The following PBX1 variants were observed in gnomAD, a reference collection of about 807,000 sequenced individuals.
PBX1 encodes pre-B-cell leukemia transcription factor 1.
Under a neutral mutation model 53.4 loss-of-function variants are expected in PBX1, and 6 were observed. The observed-to-expected ratio is 0.11, with a 90% CI of 0.06 to 0.22. The LOEUF is 0.22. Ranked by LOEUF, PBX1 falls within the 10% of genes least tolerant of loss-of-function variation. The pLI is 1.00. For missense variants in PBX1, 251 were observed against 551.4 expected, an observed-to-expected ratio of 0.46 and a Z score of 5.46; for synonymous variants, 204 against 212.3, an observed-to-expected ratio of 0.96 and a Z score of 0.34.
intron 2 of PBX1, among the ~76,000 whole-genome samples, chr1:164,767,657 GAAAAA>G (rs796425003): frequency 4.1e-4 from 55 of 135,338 alleles, no homozygotes; most frequent in Middle Eastern, 3.9e-3. Context: ...ATCAAAAAAA[GAAAAA>G]AAAAAAAGGC....
At chr1:164,788,939 A>G (rs1558008527) in intron 2 of PBX1, among the ~76,000 whole-genome samples, 1 of 152,088 alleles carries the variant, frequency 6.6e-6, no homozygotes, top group South Asian at 2.1e-4. Context: ...AGTGAATTCA[A>G]ATTTCTTTTT....
intron 2 of PBX1, among the ~76,000 whole-genome samples, chr1:164,618,697 A>C (rs1045750233): frequency 6.6e-6 from 1 of 152,194 alleles, no homozygotes; most frequent in African/African-American, 2.4e-5. Context: ...ATTATAACGA[A>C]ATAAACACAT....
At chr1:164,786,725 G>GTGCGCGCGCA (rs1668211421) in intron 2 of PBX1, among the ~76,000 whole-genome samples, 1 of 143,146 alleles carries the variant, frequency 7.0e-6, no homozygotes, top group African/African-American at 2.7e-5. Context: ...GTGTGTGCGC[G>GTGCGCGCGCA]CGCACACACA....
chr1:164,749,987 C>T (rs189605807), intron 2 of PBX1, among the ~76,000 whole-genome samples: 1 of 152,114 alleles, frequency 6.6e-6, no homozygotes, highest in Non-Finnish European at 1.5e-5. Flanking sequence ...ATAGTCCCAG[C>T]TACTTGGGAG....
At chr1:164,766,718 TTTTATTTA>T (rs974291867) in intron 2 of PBX1, among the ~76,000 whole-genome samples, 6 of 147,410 alleles carry the variant, frequency 4.1e-5, no homozygotes, top group Non-Finnish European at 6.0e-5. Flanking sequence ...TTTCCTTTTC[TTTTATTTA>T]TTTATTTATT....
chr1:164,622,292 GT>G (rs57431134), intron 2 of PBX1, among the ~76,000 whole-genome samples: 27,102 of 152,032 alleles, frequency 0.18, 2,717 homozygotes, highest in Non-Finnish European at 0.24. Flanking sequence ...GGGCCGCACT[GT>G]TGTGAGTGCC....
chr1:164,622,491 C>CT (rs1657747216), intron 2 of PBX1, among the ~76,000 whole-genome samples: 1 of 152,170 alleles, frequency 6.6e-6, no homozygotes, highest in South Asian at 2.1e-4. Context: ...TGCCCTCAGC[C>CT]TGTGACCAAG....
At chr1:164,790,113 CT>C (rs2102296306) in intron 2 of PBX1, among the ~76,000 whole-genome samples, 1 of 152,254 alleles carries the variant, frequency 6.6e-6, no homozygotes, top group East Asian at 1.9e-4. Flanking sequence ...CCCCGAGATT[CT>C]TTTCGGTGCC....
At chr1:164,795,263 G>A (rs4657375) in intron 3 of PBX1, among the ~76,000 whole-genome samples, 35,545 of 152,046 alleles carry the variant, frequency 0.23, 4,518 homozygotes, top group East Asian at 0.3. Context: ...CTTACCCCAA[G>A]GGCTCTTATT....
At chr1:164,625,647 G>A (rs761429181) in intron 2 of PBX1, among the ~76,000 whole-genome samples, 5 of 152,028 alleles carry the variant, frequency 3.3e-5, no homozygotes, top group Admixed American at 2.6e-4. Context: ...TCACTGAGTC[G>A]TTTGAAATTG....
intron 2 of PBX1, among the ~76,000 whole-genome samples, chr1:164,568,846 G>T (rs962505524): frequency 2.0e-5 from 3 of 152,188 alleles, no homozygotes; most frequent in African/African-American, 7.2e-5. Flanking sequence ...GGGGAAAAAA[G>T]GTGCAGGAAT....
intron 2 of PBX1, among the ~76,000 whole-genome samples, chr1:164,622,802 T>C (rs1657769042): frequency 6.7e-6 from 1 of 149,508 alleles, no homozygotes; most frequent in African/African-American, 2.5e-5. Flanking sequence ...TTGCTATACA[T>C]ACATACACAC....
intron 2 of PBX1, among the ~76,000 whole-genome samples, chr1:164,644,924 A>T (rs1003470993): frequency 6.6e-6 from 1 of 152,186 alleles, no homozygotes; most frequent in South Asian, 2.1e-4. Flanking sequence ...CTTGGAGTTC[A>T]TATACAGTAA....
At chr1:164,693,491 T>C (rs532293440) in intron 2 of PBX1, among the ~76,000 whole-genome samples, 1 of 152,288 alleles carries the variant, frequency 6.6e-6, no homozygotes, top group Non-Finnish European at 1.5e-5. Context: ...GTCCCCACTA[T>C]TCTATAGGTG....
intron 2 of PBX1, among the ~76,000 whole-genome samples, chr1:164,588,384 C>G (rs769163089): frequency 8.9e-5 from 13 of 146,832 alleles, no homozygotes; most frequent in Non-Finnish European, 1.8e-4. Flanking sequence ...AAAAAAATCA[C>G]ACGGTAAAAG....
At chr1:164,657,350 C>T (rs1012884005) in intron 2 of PBX1, 1 of 152,060 alleles carries the variant, frequency 6.6e-6, no homozygotes, top group Non-Finnish European at 1.5e-5. Flanking sequence ...ATGTTTATCT[C>T]AACAGGAGGC....
chr1:164,827,109 G>A (rs188108280), intron 8 of PBX1, among the ~76,000 whole-genome samples: 214 of 152,198 alleles, frequency 1.4e-3, no homozygotes, highest in African/African-American at 4.2e-3. Flanking sequence ...TGGATACCAC[G>A]GGGATACTTA....
chr1:164,560,943 A>G (rs1319708682), intron 1 of PBX1, among the ~76,000 whole-genome samples: 1 of 152,172 alleles, frequency 6.6e-6, no homozygotes, highest in African/African-American at 2.4e-5. Context: ...AACATAATAA[A>G]CTGTGTAGCC....
chr1:164,589,458 A>G (rs959113355), intron 2 of PBX1, among the ~76,000 whole-genome samples: 1 of 152,112 alleles, frequency 6.6e-6, no homozygotes, highest in African/African-American at 2.4e-5. Flanking sequence ...CCCAGAGAAA[A>G]CAAATTCTCT....
Sources: allele counts gnomAD v4.1 joint callset (sites outside exome capture counted in the v4.1 genomes callset), GRCh38; gene constraint gnomAD v4.1.1; transcripts MANE v1.5; gene names NCBI Gene and HGNC (gene_info 2026-07-23, HGNC 2026-07-21).